Variants in ZPBP observed in about 807,000 individuals in gnomAD.
The protein encoded by ZPBP is zona pellucida-binding protein 1.
ZPBP carries 26 observed loss-of-function variants against 44.8 expected under a neutral mutation model. That is an observed-to-expected ratio of 0.58 (90% CI 0.43 to 0.81). The LOEUF is 0.81. Ranked by LOEUF, ZPBP falls within the 30% of genes least tolerant of loss-of-function variation. The pLI, the probability that ZPBP is intolerant of heterozygous loss-of-function variation, is 0.00. For missense variants in ZPBP, 409 were observed against 434.0 expected (o/e 0.94, Z 0.51); for synonymous variants, 174 against 153.2 (o/e 1.14, Z -1.00).
At chr7:49,881,841 A>G (rs935593373) in intron 2 of ZPBP, among the ~76,000 whole-genome samples, 2 of 152,042 alleles carry the variant, frequency 1.3e-5, no homozygotes, top group Non-Finnish European at 2.9e-5. Context: ...GTACTACTAA[A>G]CAGATATTTT....
chr7:50,015,369 T>C (rs933973122), intron 6 of ZPBP, among the ~76,000 whole-genome samples: 1 of 152,086 alleles, frequency 6.6e-6, no homozygotes, highest in African/African-American at 2.4e-5. Flanking sequence ...TGCCTTTCAG[T>C]AGAAAAGATT....
At chr7:49,878,027 T>G (rs1481581275) in intron 2 of ZPBP, among the ~76,000 whole-genome samples, 1 of 152,120 alleles carries the variant, frequency 6.6e-6, no homozygotes, top group Non-Finnish European at 1.5e-5. Context: ...TTTATTCAGC[T>G]TTCCTCATCT....
At chr7:49,905,932 T>C (rs1040648977) in intron 1 of ZPBP, among the ~76,000 whole-genome samples, 1 of 152,176 alleles carries the variant, frequency 6.6e-6, no homozygotes, top group Non-Finnish European at 1.5e-5. Flanking sequence ...AGTTTACAAA[T>C]GCCATGGCAA....
chr7:49,885,890 C>G (rs1046339420), intron 2 of ZPBP, among the ~76,000 whole-genome samples: 1 of 152,220 alleles, frequency 6.6e-6, no homozygotes, highest in Non-Finnish European at 1.5e-5. Flanking sequence ...CTTGGCATGG[C>G]AGAGGAGGAG....
intron 2 of ZPBP, among the ~76,000 whole-genome samples, chr7:49,890,142 A>C (rs1792068916): frequency 6.6e-6 from 1 of 152,228 alleles, no homozygotes; most frequent in Non-Finnish European, 1.5e-5. Context: ...GAATATTAAC[A>C]CAGATGAAGC....
chr7:49,986,604 C>G (rs1797294246), intron 6 of ZPBP, among the ~76,000 whole-genome samples: 1 of 152,182 alleles, frequency 6.6e-6, no homozygotes, highest in South Asian at 2.1e-4. Context: ...GTTCTTCCCT[C>G]AGTTAACACA....
At chr7:49,949,854 G>T (rs1795262023) in intron 7 of ZPBP, among the ~76,000 whole-genome samples, 1 of 151,738 alleles carries the variant, frequency 6.6e-6, no homozygotes, top group Non-Finnish European at 1.5e-5. Flanking sequence ...ATTTAAATTA[G>T]CTAATATCTA....
chr7:50,054,608 T>G (rs531688061), intron 4 of ZPBP, among the ~76,000 whole-genome samples: 1 of 152,238 alleles, frequency 6.6e-6, no homozygotes, highest in African/African-American at 2.4e-5. Context: ...TTTATATATA[T>G]AGAAAATTAT....
chr7:50,010,908 C>CAAAA (rs71554292), intron 6 of ZPBP, among the ~76,000 whole-genome samples: 926 of 91,592 alleles, frequency 0.01, no homozygotes, highest in African/African-American at 0.02. Context: ...CAAGACCAAG[C>CAAAA]AAAAAAAAAA....
chr7:49,942,127 A>G (rs1237089014), intron 7 of ZPBP: 1 of 153,850 alleles, frequency 6.5e-6, no homozygotes, highest in Admixed American at 6.6e-5. Flanking sequence ...CAAGGACTTA[A>G]GAGCTAAAAC....
At chr7:49,857,073 T>C (rs773687743) in intron 2 of ZPBP, among the ~76,000 whole-genome samples, 1 of 147,814 alleles carries the variant, frequency 6.8e-6, no homozygotes, top group Non-Finnish European at 1.5e-5. Context: ...TCTTAACAAA[T>C]TTTTAGGTGC....
intron 1 of ZPBP, 107 bp from the exon 2 acceptor site, chr7:50,089,816 A>G (rs1802859871): frequency 5.9e-6 from 5 of 848,348 alleles, no homozygotes; most frequent in South Asian, 1.5e-5. Context: ...CCATAATTCA[A>G]TCTCCTCTGA....
chr7:49,874,374 C>T (rs375958080), intron 2 of ZPBP, among the ~76,000 whole-genome samples: 88 of 152,230 alleles, frequency 5.8e-4, no homozygotes, highest in East Asian at 1.5e-3. Context: ...AGGAACATGC[C>T]GTGCAGGTTT....
chr7:50,017,739 AT>A (rs1798886617), intron 6 of ZPBP, among the ~76,000 whole-genome samples: 1 of 152,266 alleles, frequency 6.6e-6, no homozygotes, highest in South Asian at 2.1e-4. Flanking sequence ...ATAGGAAGAT[AT>A]TGTCATAAAT....
chr7:49,967,827 T>C (rs1796122601), intron 7 of ZPBP, among the ~76,000 whole-genome samples: 1 of 152,166 alleles, frequency 6.6e-6, no homozygotes, highest in African/African-American at 2.4e-5. Flanking sequence ...CCACGGTGCC[T>C]GGCTGGGATG....
intron 4 of ZPBP, among the ~76,000 whole-genome samples, chr7:50,041,545 C>T (rs1309144105): frequency 6.6e-6 from 1 of 152,200 alleles, no homozygotes; most frequent in East Asian, 1.9e-4. Flanking sequence ...CTGCAAACTC[C>T]AGCAGACCTG....
intron 2 of ZPBP, among the ~76,000 whole-genome samples, chr7:49,888,175 C>G (rs973940630): frequency 6.6e-6 from 1 of 152,150 alleles, no homozygotes; most frequent in African/African-American, 2.4e-5. Flanking sequence ...TTTTCTGGAC[C>G]TTTTAAAAAA....
intron 2 of ZPBP, among the ~76,000 whole-genome samples, chr7:49,880,825 C>T (rs966466002): frequency 6.6e-6 from 1 of 151,962 alleles, no homozygotes; most frequent in Non-Finnish European, 1.5e-5. Flanking sequence ...CTTCATTATG[C>T]CACGGGAAGC....
chr7:50,018,774 G>A (rs1306167418), intron 5 of ZPBP, among the ~76,000 whole-genome samples: 1 of 151,898 alleles, frequency 6.6e-6, no homozygotes, highest in Non-Finnish European at 1.5e-5. Flanking sequence ...AATGAGGTTG[G>A]ATTTTAGTAG....
Sources: allele counts gnomAD v4.1 joint callset (sites outside exome capture counted in the v4.1 genomes callset), GRCh38; gene constraint gnomAD v4.1.1; transcripts MANE v1.5; gene names NCBI Gene and HGNC (gene_info 2026-07-23, HGNC 2026-07-21).